Variants in TBL1Y observed in about 807,000 individuals in gnomAD.
The protein encoded by TBL1Y is F-box-like/WD repeat-containing protein TBL1Y.
TBL1Y carries 15 observed loss-of-function variants against 12.0 expected under a neutral mutation model. That is an observed-to-expected ratio of 1.25 (90% CI 0.83 to 1.92). The LOEUF is 1.92. Ranked by LOEUF, TBL1Y falls within the 40% of genes most tolerant of loss-of-function variation. TBL1Y has a pLI of 0.00. For missense variants in TBL1Y, 148 were observed against 116.7 expected (o/e 1.27, Z -1.24); for synonymous variants, 53 against 42.6 (o/e 1.24, Z -0.95).
chrY:6,982,357 G>A (rs2012290923), intron 3 of TBL1Y, among the ~76,000 whole-genome samples: 1 of 32,627 alleles, frequency 3.1e-5, no homozygotes, highest in Non-Finnish European at 7.5e-5. Context: ...ACAGGAAGCC[G>A]AGAGGGGGGA....
At chrY:6,975,493 G>A in intron 2 of TBL1Y, among the ~76,000 whole-genome samples, 3 of 32,931 alleles carry the variant, frequency 9.1e-5, no homozygotes, top group African/African-American at 3.6e-4. Context: ...TTTCCTTAGC[G>A]GGGAGATAAA....
chrY:6,987,976 C>G (rs2012332739), intron 3 of TBL1Y, among the ~76,000 whole-genome samples: 1 of 32,725 alleles, frequency 3.1e-5, no homozygotes, highest in Non-Finnish European at 7.4e-5. Context: ...GGGTAGATGC[C>G]AGGACTGTTG....
intron 3 of TBL1Y, among the ~76,000 whole-genome samples, chrY:6,979,448 C>T (rs890375438): frequency 3.0e-5 from 1 of 33,428 alleles, no homozygotes; most frequent in Non-Finnish European, 7.4e-5. Context: ...GACATTTCTC[C>T]GTTAATCTTT....
chrY:6,930,302 C>G, intron 2 of TBL1Y, among the ~76,000 whole-genome samples: 3 of 33,761 alleles, frequency 8.9e-5, no homozygotes, highest in African/African-American at 2.3e-4. Context: ...ACTTTATTTC[C>G]TAAGTGATGA....
At chrY:7,055,393 A>G in intron 7 of TBL1Y, among the ~76,000 whole-genome samples, 2 of 31,873 alleles carry the variant, frequency 6.3e-5, no homozygotes, top group African/African-American at 2.5e-4. Context: ...ATTCCTTGGC[A>G]CTCCAGATGC....
At chrY:6,975,384 TA>T (rs2012231193) in intron 2 of TBL1Y, among the ~76,000 whole-genome samples, 1 of 33,497 alleles carries the variant, frequency 3.0e-5, no homozygotes, top group Admixed American at 2.8e-4. Flanking sequence ...TCCTTTGTCT[TA>T]GCATGATCTT....
chrY:6,976,824 C>G (rs2012245040), intron 2 of TBL1Y, among the ~76,000 whole-genome samples: 1 of 33,469 alleles, frequency 3.0e-5, no homozygotes, highest in South Asian at 6.7e-4. Context: ...CTATCGCTGG[C>G]ATGGGGTGGG....
At chrY:7,078,851 T>TA (rs2013076231) in intron 13 of TBL1Y, among the ~76,000 whole-genome samples, 1 of 33,619 alleles carries the variant, frequency 3.0e-5, no homozygotes, top group Non-Finnish European at 7.4e-5. Context: ...TTTTTCTTGC[T>TA]TATCAGTTCT....
At chrY:7,013,675 C>A in intron 4 of TBL1Y, among the ~76,000 whole-genome samples, 1 of 34,413 alleles carries the variant, frequency 2.9e-5, no homozygotes, top group Non-Finnish European at 7.3e-5. Context: ...AGAGCAACTG[C>A]AGGGTCTATA....
At chrY:6,968,360 T>G (rs758249960) in intron 2 of TBL1Y, among the ~76,000 whole-genome samples, 2 of 33,168 alleles carry the variant, frequency 6.0e-5, no homozygotes, top group Non-Finnish European at 1.5e-4. Flanking sequence ...CTTTTGGAAG[T>G]GATGAAGGTG....
In TBL1Y at chrY:7,086,379, T is replaced by A; in HGVS notation, c.1242T>A (p.Pro414=). Residue 414 remains proline (P), a synonymous_variant, in exon 16 of 19, where the codon CCT becomes CCA. Transcript: ENST00000383032. ...IYTIKWSPTG[P]ATSNPNSSIM... is the part of the protein sequence containing the mutation. ...CCATCAAGTGGAGCCCCACCGGGCCTGCCACCAGCAACCCAAACTCCAGCA... is the reference window on the plus strand; with the variant it reads ...CCATCAAGTGGAGCCCCACCGGGCCAGCCACCAGCAACCCAAACTCCAGCA... The A allele has an allele frequency of 5.2e-6, 2 of 386,487 alleles. No homozygotes were observed. The highest frequency in any genetic ancestry group is 6.0e-5 in the South Asian group (2 of 33,231).
intron 3 of TBL1Y, among the ~76,000 whole-genome samples, chrY:6,988,265 TA>T (rs2012335485): frequency 6.0e-5 from 2 of 33,582 alleles, no homozygotes; most frequent in African/African-American, 2.3e-4. Context: ...GACTTTCTGT[TA>T]AAAAAATTAC....
chrY:7,062,907 A>G (rs2012890646), intron 7 of TBL1Y, among the ~76,000 whole-genome samples: 3 of 33,868 alleles, frequency 8.9e-5, no homozygotes, highest in Non-Finnish European at 1.5e-4. Flanking sequence ...CGTGGTCCCG[A>G]CCACCAAGGA....
chrY:7,091,091 C>T (rs2013172764), intron 18 of TBL1Y, among the ~76,000 whole-genome samples: 3 of 33,857 alleles, frequency 8.9e-5, no homozygotes, highest in Non-Finnish European at 2.2e-4. Context: ...GTCTGGCTGA[C>T]TGTCCAGGCA....
Position 7,063,936 on chromosome Y carries a change from T to G in TBL1Y, c.244T>G (p.Ser82Ala), listed in dbSNP as rs772864460. The G allele has an allele frequency of 2.5e-6, 1 of 397,931 alleles. No homozygotes were observed. The highest frequency in any genetic ancestry group is 3.0e-5 in the South Asian group (1 of 33,406). Residue 82 changes from serine to alanine, a missense_variant, in exon 8 of 19, where the codon TCC (serine) becomes GCC (alanine). Coordinates refer to ENST00000383032, the MANE Select transcript of TBL1Y (RefSeq NM_033284.2). ...VFDSRPIESL[S>A]LIVAVIPDVV... Reference sequence around the variant, plus strand: ...CGACAGCCGCCCTATAGAGTCCCTGTCCCTGATAGTTGCTGTGATTCCTGA... The same window carrying G: ...CGACAGCCGCCCTATAGAGTCCCTGGCCCTGATAGTTGCTGTGATTCCTGA...
At chrY:6,987,447 G>A (rs1365484627) in intron 3 of TBL1Y, among the ~76,000 whole-genome samples, 4 of 31,451 alleles carry the variant, frequency 1.3e-4, no homozygotes, top group South Asian at 7.5e-4. Context: ...GATTAGAGGC[G>A]CCCACCACCA....
intron 2 of TBL1Y, among the ~76,000 whole-genome samples, chrY:6,958,528 C>T: frequency 9.1e-5 from 3 of 32,804 alleles, no homozygotes; most frequent in Non-Finnish European, 2.2e-4. Context: ...CGGCACTCAG[C>T]ATACAAAGGA....
chrY:7,042,555 G>C, intron 6 of TBL1Y, among the ~76,000 whole-genome samples: 1 of 31,468 alleles, frequency 3.2e-5, no homozygotes, highest in Non-Finnish European at 7.6e-5. Context: ...ACCACGTCCA[G>C]CTAATTTTTG....
intron 13 of TBL1Y, among the ~76,000 whole-genome samples, chrY:7,075,174 G>A: frequency 3.0e-5 from 1 of 32,960 alleles, no homozygotes; most frequent in Non-Finnish European, 7.5e-5. Context: ...GCCTGGGGAG[G>A]ACTGCAAGCA....
Sources: allele counts gnomAD v4.1 joint callset (sites outside exome capture counted in the v4.1 genomes callset), GRCh38; gene constraint gnomAD v4.1.1; transcripts MANE v1.5; gene names NCBI Gene and HGNC (gene_info 2026-07-23, HGNC 2026-07-21).